The following NR5A2 variants were observed in gnomAD, a reference collection of about 807,000 sequenced individuals.
NR5A2 encodes nuclear receptor subfamily 5 group A member 2, also known as CYP7A promoter-binding factor.
In NR5A2, 26 loss-of-function variants were observed where a neutral mutation model predicts 62.7. The observed-to-expected ratio is 0.41, with a 90% CI of 0.30 to 0.58. The LOEUF (loss-of-function observed/expected upper bound fraction) is 0.58, where lower values mean the gene tolerates loss of function less well. NR5A2 is among the 20% of genes least tolerant of loss of function. The probability of loss-of-function intolerance (pLI) is 0.22; values close to 1 mark genes in which losing one functional copy is unlikely to be tolerated. For synonymous variants in NR5A2, 246 were observed against 241.7 expected, an observed-to-expected ratio of 1.02 and a Z score of -0.16; for missense variants, 541 against 669.1, an observed-to-expected ratio of 0.81 and a Z score of 2.11.
chr1:200,132,643 T>C (rs1022195973), intron 7 of NR5A2, among the ~76,000 whole-genome samples: 102 of 152,246 alleles, frequency 6.7e-4, no homozygotes, highest in African/African-American at 2.2e-3. Context: ...AAGGAGATGA[T>C]TTTTCAGAGA....
intron 5 of NR5A2, among the ~76,000 whole-genome samples, chr1:200,091,265 A>G (rs561985239): frequency 1.3e-3 from 191 of 152,294 alleles, no homozygotes; most frequent in Non-Finnish European, 2.1e-3. Flanking sequence ...TATTGAGCTC[A>G]AGCCTTAAGT....
intron 5 of NR5A2, among the ~76,000 whole-genome samples, chr1:200,092,262 CATAAT>C (rs1460470443): frequency 3.3e-5 from 5 of 152,192 alleles, no homozygotes; most frequent in African/African-American, 1.2e-4. Flanking sequence ...TAATTTCAGA[CATAAT>C]ATAGTAACTC....
intron 5 of NR5A2, among the ~76,000 whole-genome samples, chr1:200,088,317 G>T (rs144120380): frequency 6.6e-6 from 1 of 151,820 alleles, no homozygotes; most frequent in African/African-American, 2.4e-5. Context: ...GAGTGCAGTC[G>T]CGCGATCCTG....
chr1:200,092,676 C>G (rs1178749131), intron 5 of NR5A2, among the ~76,000 whole-genome samples: 1 of 149,600 alleles, frequency 6.7e-6, no homozygotes, highest in Non-Finnish European at 1.5e-5. Flanking sequence ...TGGTGTTAGG[C>G]TCTTGTGCTG....
intron 5 of NR5A2, among the ~76,000 whole-genome samples, chr1:200,058,876 G>A (rs1391305953): frequency 2.7e-5 from 4 of 150,154 alleles, no homozygotes; most frequent in African/African-American, 2.4e-5. Context: ...TTAGGAGGCC[G>A]AGGTGGGAGG....
chr1:200,054,908 T>C (rs1662838270), intron 5 of NR5A2, among the ~76,000 whole-genome samples: 2 of 152,294 alleles, frequency 1.3e-5, no homozygotes, highest in African/African-American at 2.4e-5. Flanking sequence ...CCTACTTTTT[T>C]TTTTTTAAGA....
intron 5 of NR5A2, among the ~76,000 whole-genome samples, chr1:200,060,728 C>T (rs1302493178): frequency 1.3e-5 from 2 of 152,088 alleles, no homozygotes; most frequent in Non-Finnish European, 2.9e-5. Context: ...TCACATGCTA[C>T]GTTCTTGACC....
At chr1:200,059,272 AG>A (rs1663077662) in intron 5 of NR5A2, among the ~76,000 whole-genome samples, 1 of 152,146 alleles carries the variant, frequency 6.6e-6, no homozygotes, top group Admixed American at 6.5e-5. Context: ...GCACAGAATG[AG>A]GCAGTCAGGT....
intron 6 of NR5A2, among the ~76,000 whole-genome samples, chr1:200,115,613 A>T (rs1666179013): frequency 6.6e-6 from 1 of 152,200 alleles, no homozygotes; most frequent in Non-Finnish European, 1.5e-5. Context: ...CATTAGACAC[A>T]GCTCTGCAGC....
chr1:200,118,282 A>C (rs1341049280), intron 6 of NR5A2, among the ~76,000 whole-genome samples: 1 of 151,900 alleles, frequency 6.6e-6, no homozygotes, highest in East Asian at 1.9e-4. Context: ...CTCCCAAAGC[A>C]CTGGGATTAC....
chr1:200,164,625 G>A (rs1047323798), intron 7 of NR5A2, among the ~76,000 whole-genome samples: 8 of 147,938 alleles, frequency 5.4e-5, no homozygotes, highest in African/African-American at 2.0e-4. Flanking sequence ...TCAGCTCACT[G>A]CAACCTCCAC....
At chr1:200,074,255 C>A (rs1331366827) in intron 5 of NR5A2, among the ~76,000 whole-genome samples, 2 of 151,620 alleles carry the variant, frequency 1.3e-5, no homozygotes, top group African/African-American at 4.8e-5. Flanking sequence ...ATTATGAGTG[C>A]AGTTATTTGA....
In NR5A2 at chr1:200,111,331, G is replaced by T. The variant is rs770081288; in HGVS notation, c.1230+10G>T. ...GGTTACTGGGCAACAAGTGAGTGTA[G>T]AGACCAAAAAAAAAAAAAAAGCATC... On this transcript the variant is annotated intron_variant, in intron 6 of 7. Transcript: ENST00000367362. 2 of 1,421,128 alleles carry T rather than the reference G, an allele frequency of 1.4e-6. No homozygotes were observed. Among genetic ancestry groups the T allele is most frequent in the African/African-American group, 2.1e-5 (1 of 47,882 alleles). 88.0% of individuals were successfully genotyped at this position (1,421,128 alleles called of 1,614,324 possible).
chr1:200,120,584 A>G (rs903729357), intron 6 of NR5A2, among the ~76,000 whole-genome samples: 1 of 152,192 alleles, frequency 6.6e-6, no homozygotes, highest in Non-Finnish European at 1.5e-5. Context: ...GTGGCCAGGC[A>G]TGGTGGCTTG....
chr1:200,096,657 G>A (rs868555904), intron 5 of NR5A2, among the ~76,000 whole-genome samples: 1 of 152,186 alleles, frequency 6.6e-6, no homozygotes. Flanking sequence ...TAGAAGCAGC[G>A]TGTCATTGAA....
intron 5 of NR5A2, among the ~76,000 whole-genome samples, chr1:200,087,106 C>T (rs566534947): frequency 2.3e-4 from 35 of 151,746 alleles, no homozygotes; most frequent in African/African-American, 8.2e-4. Context: ...GCTGAAGGGT[C>T]TTTGTTCAGG....
At chr1:200,089,380 C>T (rs1664702491) in intron 5 of NR5A2, among the ~76,000 whole-genome samples, 1 of 152,094 alleles carries the variant, frequency 6.6e-6, no homozygotes, top group Non-Finnish European at 1.5e-5. Flanking sequence ...AGACTGGTCT[C>T]GAACTCCTGT....
rs1386489998 is a variant in NR5A2 at position 200,077,189 on chromosome 1, CAT to C, written c.1110+28374_1110+28375del. 1.5e-4 allele frequency among the ~76,000 whole-genome samples: 23 copies of C among 152,252 alleles called. 1 individual carries two copies. The East Asian group carries it at 4.2e-3, about 28-fold the overall frequency. On this transcript the variant is annotated intron_variant, in intron 5 of 7. Transcript: ENST00000367362. ...AAAATGTTTTATGTTGTTTTAAAAA[CAT>C]ATGTATTTCTCATAATTAGGTTTCG... is the stretch of plus-strand genomic sequence containing the variant.
intron 7 of NR5A2, among the ~76,000 whole-genome samples, chr1:200,123,123 T>A (rs1666550334): frequency 6.6e-6 from 1 of 152,178 alleles, no homozygotes; most frequent in South Asian, 2.1e-4. Context: ...TCGAGTCCCC[T>A]GAGTCTGAAG....
Sources: allele counts gnomAD v4.1 joint callset (sites outside exome capture counted in the v4.1 genomes callset), GRCh38; gene constraint gnomAD v4.1.1; transcripts MANE v1.5; gene names NCBI Gene and HGNC (gene_info 2026-07-23, HGNC 2026-07-21).